Variants in NYAP2 observed in about 807,000 individuals in gnomAD.
NYAP2 encodes neuronal tyrosine-phosphorylated phosphoinositide-3-kinase adapter 2.
Under a neutral mutation model 50.4 loss-of-function variants are expected in NYAP2, and 23 were observed. The observed-to-expected ratio is 0.46, with a 90% CI of 0.33 to 0.65. NYAP2 has a LOEUF of 0.65. Ranked by LOEUF, NYAP2 falls within the 30% of genes least tolerant of loss-of-function variation. NYAP2 has a pLI of 0.02. For missense variants in NYAP2, 885 were observed against 861.0 expected (o/e 1.03, Z -0.35); for synonymous variants, 394 against 365.2 (o/e 1.08, Z -0.90).
At chr2:225,456,641 C>T (rs907526715) in intron 3 of NYAP2, among the ~76,000 whole-genome samples, 3 of 152,140 alleles carry the variant, frequency 2.0e-5, no homozygotes, top group South Asian at 4.1e-4. Context: ...GTTACAACCA[C>T]GTGTGCTGTC....
chr2:225,427,071 C>T (rs1695298448), intron 3 of NYAP2, among the ~76,000 whole-genome samples: 1 of 152,110 alleles, frequency 6.6e-6, no homozygotes, highest in Non-Finnish European at 1.5e-5. Flanking sequence ...GCAATCAAAC[C>T]TAGAATCTTT....
chr2:225,508,235 G>T (rs562648015), intron 3 of NYAP2, among the ~76,000 whole-genome samples: 7 of 152,264 alleles, frequency 4.6e-5, no homozygotes, highest in Non-Finnish European at 8.8e-5. Context: ...GAGTCTTATT[G>T]CAACAAGACT....
At chr2:225,697,460 C>G in the NYAP2 span, among the ~76,000 whole-genome samples, 1 of 151,904 alleles carries the variant, frequency 6.6e-6, no homozygotes, top group Non-Finnish European at 1.5e-5. Context: ...ACATTCTAAG[C>G]ATATGGTGTG....
intron 5 of NYAP2, among the ~76,000 whole-genome samples, chr2:225,618,771 G>A (rs893031068): frequency 3.3e-5 from 5 of 152,282 alleles, no homozygotes; most frequent in South Asian, 2.1e-4. Flanking sequence ...CCAAAGCATT[G>A]GAACTTGGTT....
At chr2:225,703,533 T>C in the NYAP2 span, 2 of 151,814 alleles carry the variant, frequency 1.3e-5, no homozygotes, top group African/African-American at 4.8e-5. Flanking sequence ...ACTACTAAAG[T>C]AACCAGATGT....
At chr2:225,565,960 CA>C (rs1691953456) in intron 4 of NYAP2, among the ~76,000 whole-genome samples, 1 of 152,094 alleles carries the variant, frequency 6.6e-6, no homozygotes, top group African/African-American at 2.4e-5. Flanking sequence ...TATATAGAGG[CA>C]AATTAGTCTT....
intron 4 of NYAP2, among the ~76,000 whole-genome samples, chr2:225,566,909 A>G (rs773415806): frequency 2.6e-5 from 4 of 152,074 alleles, no homozygotes; most frequent in Non-Finnish European, 5.9e-5. Context: ...AGGAACTTAC[A>G]GTAATATGTG....
At chr2:225,445,011 A>G (rs932307415) in intron 3 of NYAP2, among the ~76,000 whole-genome samples, 2 of 152,168 alleles carry the variant, frequency 1.3e-5, no homozygotes, top group Non-Finnish European at 2.9e-5. Context: ...GCTATGAGTT[A>G]TGTTGCTTTG....
At position 225,602,221 on chromosome 2, in the gene NYAP2, C is replaced by T. The variant is rs577443950; in HGVS notation, c.1618+19186C>T. 6.6e-5 allele frequency among the ~76,000 whole-genome samples: 10 copies of T among 152,230 alleles called. No homozygotes were observed. In the South Asian group the frequency reaches 1.0e-3, roughly 16 times the overall value. The stretch of plus-strand genomic sequence containing the variant: ...CAATTGGAGGTAAATGTGAAGGCTT[C>T]GCCTGGGACCAATCAGGGGCTGAAG... On this transcript the variant is annotated intron_variant, in intron 5 of 6. Transcript: ENST00000636099.
chr2:225,583,382 G>A (rs767466985), intron 5 of NYAP2, among the ~76,000 whole-genome samples: 1 of 152,094 alleles, frequency 6.6e-6, no homozygotes, highest in Non-Finnish European at 1.5e-5. Flanking sequence ...GATAACGCAC[G>A]GAGTACGTGG....
chr2:225,584,450 TA>T (rs1458791489), intron 5 of NYAP2, among the ~76,000 whole-genome samples: 2 of 152,232 alleles, frequency 1.3e-5, no homozygotes, highest in African/African-American at 4.8e-5. Context: ...TAGTTTTTTC[TA>T]TGTCCATTTC....
intron 6 of NYAP2, among the ~76,000 whole-genome samples, chr2:225,649,874 T>C (rs1291479184): frequency 6.6e-6 from 1 of 152,346 alleles, no homozygotes; most frequent in Non-Finnish European, 1.5e-5. Flanking sequence ...TTGTTTAAGA[T>C]CATACACCTA....
intron 4 of NYAP2, among the ~76,000 whole-genome samples, chr2:225,522,611 C>A (rs1691085215): frequency 6.6e-6 from 1 of 152,120 alleles, no homozygotes; most frequent in Admixed American, 6.6e-5. Flanking sequence ...CTCATGCCTC[C>A]ATTTATTCAG....
intron 3 of NYAP2, among the ~76,000 whole-genome samples, chr2:225,427,544 A>G (rs1337191429): frequency 1.3e-5 from 2 of 151,990 alleles, no homozygotes; most frequent in Non-Finnish European, 2.9e-5. Flanking sequence ...CCTTTCCATC[A>G]TTCACCACCC....
intron 4 of NYAP2, among the ~76,000 whole-genome samples, chr2:225,545,203 C>G (rs1345876480): frequency 3.9e-5 from 6 of 152,078 alleles, no homozygotes; most frequent in African/African-American, 1.4e-4. Context: ...TTCTATAACC[C>G]TGTATCTGAA....
At chr2:225,505,148 G>A (rs1258773840) in intron 3 of NYAP2, among the ~76,000 whole-genome samples, 1 of 151,818 alleles carries the variant, frequency 6.6e-6, no homozygotes, top group East Asian at 1.9e-4. Flanking sequence ...GTTCATCACA[G>A]CAGTTAATAA....
rs80294721 is a variant in NYAP2, at chr2:225,583,292, A to G, written c.1618+257A>G. Among the ~76,000 whole-genome samples, 96 of 152,336 alleles carry G rather than the reference A, an allele frequency of 6.3e-4. 2 individuals are homozygous for G. Among genetic ancestry groups the G allele is most frequent in the African/African-American group, 2.3e-3 (94 of 41,576 alleles). On this transcript the variant is annotated intron_variant, in intron 5 of 6. Coordinates refer to ENST00000636099, the Ensembl canonical transcript of NYAP2. ...GAAGAGTGATTTTGAAAAATAAGGT[A>G]TAAAATCTAAATTCTTGCAATGGTC...
At chr2:225,661,652 G>T in the NYAP2 span, among the ~76,000 whole-genome samples, 1 of 152,046 alleles carries the variant, frequency 6.6e-6, no homozygotes, top group Admixed American at 6.6e-5. Flanking sequence ...ATAAAACCAG[G>T]TAGTTCTATC....
chr2:225,442,812 G>A (rs954605919), intron 3 of NYAP2, among the ~76,000 whole-genome samples: 7 of 152,122 alleles, frequency 4.6e-5, no homozygotes, highest in African/African-American at 1.7e-4. Flanking sequence ...CTGATCTCAG[G>A]TAATCCACCT....
Sources: gnomAD v4.1 joint callset for allele counts (sites outside exome capture counted in the v4.1 genomes callset) on GRCh38, gnomAD v4.1.1 for gene constraint, MANE v1.5 for transcripts, NCBI Gene and HGNC (gene_info 2026-07-23, HGNC 2026-07-21) for gene names.